The following VSIG10L2 variants were observed in gnomAD, a reference collection of about 807,000 sequenced individuals.
The protein encoded by VSIG10L2 is V-set and immunoglobulin domain containing 10 like 2.
Under a neutral mutation model 67.1 loss-of-function variants are expected in VSIG10L2, and 56 were observed. The observed-to-expected ratio is 0.83, with a 90% CI of 0.67 to 1.04. The LOEUF (loss-of-function observed/expected upper bound fraction) is 1.04, where lower values mean the gene tolerates loss of function less well. VSIG10L2 is among the 50% of genes least tolerant of loss of function. The pLI is 0.00. For missense variants in VSIG10L2, 843 were observed against 932.8 expected (o/e 0.90, Z 1.25); for synonymous variants, 360 against 396.6 (o/e 0.91, Z 1.10).
Position 125,953,687 on chromosome 11 carries a change from CTGAG to C in VSIG10L2, c.1786+6_1786+9del. On this transcript the variant is annotated splice_donor_variant and coding_sequence_variant, in exon 7 of 12. Coordinates refer to ENST00000686984, the MANE Select transcript of VSIG10L2 (RefSeq NM_001365077.2). LOFTEE classifies it high-confidence loss of function. ...CAGTCAGAGTGTGCTGCTGGAGGTC[CTGAG>C]TGAGTGAGGGGTTGAATGCGTGTGT... 2.6e-5 allele frequency: 32 copies of C among 1,232,132 alleles called. No individual in the cohort carries two copies. The Middle Eastern group carries it at 9.3e-4, about 36-fold the overall frequency. The allele number at this position is 1,232,132 out of a possible 1,614,324, so 76.3% of individuals were successfully genotyped here. A position where few individuals can be genotyped will look rare whatever the true frequency, so the allele number is the denominator to read the frequency against.
intron 6 of VSIG10L2, among the ~76,000 whole-genome samples, chr11:125,953,060 G>A (rs1013375037): frequency 2.0e-4 from 30 of 152,182 alleles, no homozygotes; most frequent in Non-Finnish European, 3.8e-4. Context: ...GGAGGTGGGG[G>A]GCCACTAGTG....
chr11:125,950,245 A>C lies in VSIG10L2; in HGVS notation c.941A>C (p.Tyr314Ser). 2 of 1,232,432 alleles carry C rather than the reference A, an allele frequency of 1.6e-6. No individual in the cohort carries two copies. The highest frequency in any genetic ancestry group is 1.0e-6 in the Non-Finnish European group (1 of 988,190). The allele number at this position is 1,232,432 out of a possible 1,614,324, so 76.3% of individuals were successfully genotyped here. ...TACACCTGCCTGGCCCGCAACAGCTACCTGGACACCCGCACCCAGACTACT... is the reference window on the plus strand; with the variant it reads ...TACACCTGCCTGGCCCGCAACAGCTCCCTGGACACCCGCACCCAGACTACT... The part of the protein sequence containing the change: ...GLYTCLARNS[Y>S]LDTRTQTTVQ... Residue 314 changes from tyrosine (Y) to serine (S), a missense_variant, in exon 4 of 12, where the codon TAC becomes TCC. By Grantham distance (144) the Tyr-to-Ser change is moderately radical (BLOSUM62 -2). This residue lies in a region of VSIG10L2 where 446 missense variants were observed against 548.4 expected (regional missense o/e 0.81). Transcript: ENST00000686984.
chr11:125,950,474 TGGGAAG>T (rs369868883), intron 4 of VSIG10L2, among the ~76,000 whole-genome samples, 185 bp downstream of exon 4: 223 of 148,550 alleles, frequency 1.5e-3, no homozygotes, highest in African/African-American at 4.3e-3. Context: ...AAGAAAACTG[TGGGAAG>T]GGGAAGGGGA....
rs188749642 is a variant in VSIG10L2 at position 125,955,653 on chromosome 11, C to T, written c.2270C>T (p.Ala757Val). 3.1e-5 allele frequency: 47 copies of T among 1,532,480 alleles called. No homozygotes were observed. In the Admixed American group the frequency reaches 8.8e-4, roughly 29 times the overall value. The allele number at this position is 1,532,480 out of a possible 1,614,324, so 94.9% of individuals were successfully genotyped here. A position where few individuals can be genotyped will look rare whatever the true frequency, so the allele number is the denominator to read the frequency against. The change falls in exon 11 of 12, where the codon GCT becomes GTT. Residue 757 changes from alanine (A) to valine (V), a missense_variant. Around this residue, in one of 2 missense-constraint regions of VSIG10L2, gnomAD observed 397 missense variants for 384.4 expected, o/e 1.03. Transcript: ENST00000686984. The part of the protein sequence containing the change: ...RHQQRGSRED[A>V]EAPAGLETPT... ...CAACAGAGGGGTTCCAGAGAAGATGCTGAGGCACCGGCAGGTAAGCACCTT... is the reference window on the plus strand; with the variant it reads ...CAACAGAGGGGTTCCAGAGAAGATGTTGAGGCACCGGCAGGTAAGCACCTT...
chr11:125,955,266 G>A (rs988052104), intron 9 of VSIG10L2, 87 bp downstream of exon 9: 48 of 1,296,286 alleles, frequency 3.7e-5, no homozygotes, highest in Non-Finnish European at 4.4e-5. Flanking sequence ...CAGCACTCCC[G>A]GGGGAGAAGA....
intron 6 of VSIG10L2, among the ~76,000 whole-genome samples, chr11:125,952,948 C>T (rs1270604649): frequency 1.3e-5 from 2 of 152,160 alleles, no homozygotes; most frequent in African/African-American, 4.8e-5. Context: ...GAAATTCCAT[C>T]GTAGGAGATT....
intron 7 of VSIG10L2, 54 bp downstream of exon 7, chr11:125,953,744 C>T: frequency 8.1e-7 from 1 of 1,227,604 alleles, no homozygotes; most frequent in Non-Finnish European, 1.0e-6. Context: ...GGGAGACCAA[C>T]AGCCACAGAG....
At position 125,947,732 on chromosome 11, in the gene VSIG10L2, T is replaced by A. The variant is rs1422825805; in HGVS notation, c.129T>A (p.Ser43=). 8.1e-7 allele frequency: 1 copy of A among 1,232,096 alleles called. No individual in the cohort carries two copies. The highest frequency in any genetic ancestry group is 1.0e-6 in the Non-Finnish European group (1 of 988,038). 76.3% of individuals were successfully genotyped at this position (1,232,096 alleles called of 1,614,324 possible). ...TPEAPVEEVV[S]VQGVRGGSVE... ...AGGCCCCTGTAGAGGAGGTGGTGTCTGTCCAGGGAGTGCGAGGTGGCTCCG... is the reference window on the plus strand; with the variant it reads ...AGGCCCCTGTAGAGGAGGTGGTGTCAGTCCAGGGAGTGCGAGGTGGCTCCG... Residue 43 remains serine (S), a synonymous_variant, in exon 2 of 12, where the codon TCT becomes TCA. Coordinates refer to ENST00000686984, the MANE Select transcript of VSIG10L2 (RefSeq NM_001365077.2).
At position 125,951,862 on chromosome 11, in the gene VSIG10L2, C is replaced by A; in HGVS notation, c.1284C>A (p.Asp428Glu). 1 of 1,530,300 alleles carries A rather than the reference C, an allele frequency of 6.5e-7. No homozygotes were observed. The highest frequency in any genetic ancestry group is 8.7e-7 in the Non-Finnish European group (1 of 1,143,144). 94.8% of individuals were successfully genotyped at this position (1,530,300 alleles called of 1,614,324 possible). A position where few individuals can be genotyped will look rare whatever the true frequency, so the allele number is the denominator to read the frequency against. ...PTCWSTATMG[D>E]QFIMLSCEWP... The stretch of plus-strand genomic sequence containing the variant: ...GCTGGAGCACAGCCACAATGGGGGA[C>A]CAGTTCATCATGCTGAGCTGCGAGT... The change falls in exon 6 of 12, where the codon GAC becomes GAA. Residue 428 changes from aspartate (D) to glutamate (E), a missense_variant. Around this residue, in one of 2 missense-constraint regions of VSIG10L2, gnomAD observed 446 missense variants for 548.4 expected, o/e 0.81. Coordinates refer to ENST00000686984, the MANE Select transcript of VSIG10L2 (RefSeq NM_001365077.2).
rs1417241688 is a variant in VSIG10L2, at chr11:125,955,107, G to C, written c.2134G>C (p.Gly712Arg). The change falls in exon 9 of 12, where the codon GGA (glycine) becomes CGA (arginine). Residue 712 changes from glycine to arginine, a missense_variant. By Grantham distance (125) the Gly-to-Arg change is moderately radical. This residue lies in a region of VSIG10L2 where 397 missense variants were observed against 384.4 expected (regional missense o/e 1.03). Coordinates refer to ENST00000686984, the MANE Select transcript of VSIG10L2 (RefSeq NM_001365077.2). ...AGCGGTGTTGGGTGCAGCAGGCACG[G>C]GAATGGTGGTAGCAACGGTGGCCTC... ...YPAVLGAAGTGMVVATVASLL... is the reference protein window; with the variant it reads ...YPAVLGAAGTRMVVATVASLL... 1 of 1,239,950 alleles carries C rather than the reference G, an allele frequency of 8.1e-7. No homozygotes were observed. The highest frequency in any genetic ancestry group is 1.0e-6 in the Non-Finnish European group (1 of 992,882). The allele number at this position is 1,239,950 out of a possible 1,614,324, so 76.8% of individuals were successfully genotyped here. A position where few individuals can be genotyped will look rare whatever the true frequency, so the allele number is the denominator to read the frequency against.
In VSIG10L2 at chr11:125,947,389, T is replaced by C. The variant is rs1262136879; in HGVS notation, c.83-297T>C. 7.1e-6 allele frequency: 7 copies of C among 984,118 alleles called. No homozygotes were observed. The Admixed American group carries it at 3.7e-4, about 52-fold the overall frequency. The allele number at this position is 984,118 out of a possible 1,614,324, so 61.0% of individuals were successfully genotyped here. ...TCTGACTTGATAGTCTGGGGTGACG[T>C]CCACGAATCTGCCTTTTGGATGGTC... is the stretch of plus-strand genomic sequence containing the variant. On this transcript the variant is annotated intron_variant, in intron 1 of 11. Coordinates refer to ENST00000686984, the MANE Select transcript of VSIG10L2 (RefSeq NM_001365077.2).
chr11:125,951,238 T>G (rs1591529973), intron 5 of VSIG10L2, 80 bp downstream of exon 5: 5 of 1,222,888 alleles, frequency 4.1e-6, no homozygotes, highest in Non-Finnish European at 5.1e-6. Flanking sequence ...GCGGGGGGCC[T>G]GGGATCTGGG....
rs750558512 is a variant in VSIG10L2 at position 125,952,020 on chromosome 11, G to A, written c.1442G>A (p.Cys481Tyr). 6.5e-7 allele frequency: 1 copy of A among 1,536,094 alleles called. No homozygotes were observed. The highest frequency in any genetic ancestry group is 1.2e-5 in the South Asian group (1 of 84,056). Residue 481 changes from cysteine to tyrosine, a missense_variant, in exon 6 of 12, where the codon TGC becomes TAC. Coordinates refer to ENST00000686984, the MANE Select transcript of VSIG10L2 (RefSeq NM_001365077.2). ...GATCTGGCTGGCAGAGAGTTCACCTGCCGGGGCACTCACCTGCTCAGGACC... is the reference window on the plus strand; with the variant it reads ...GATCTGGCTGGCAGAGAGTTCACCTACCGGGGCACTCACCTGCTCAGGACC... ...QEDLAGREFTCRGTHLLRTPD... is the reference protein window; with the variant it reads ...QEDLAGREFTYRGTHLLRTPD...
Position 125,947,863 on chromosome 11 carries a change from T to G in VSIG10L2, c.260T>G (p.Met87Arg). 8.1e-7 allele frequency: 1 copy of G among 1,232,284 alleles called. No homozygotes were observed. Among genetic ancestry groups the G allele is most frequent in the Non-Finnish European group, 1.0e-6 (1 of 988,054 alleles). 76.3% of individuals were successfully genotyped at this position (1,232,284 alleles called of 1,614,324 possible). ...CCTGTGGCCGTCACCGATGGAGCCA[T>G]GTCCAAGGTGGAGGCCATCGCCTCG... Reference protein sequence around the residue: ...PRPVAVTDGAMSKVEAIASAL... With the variant: ...PRPVAVTDGARSKVEAIASAL... Residue 87 changes from methionine (M) to arginine (R), a missense_variant, in exon 2 of 12, where the codon ATG becomes AGG. This residue lies in a region of VSIG10L2 where 446 missense variants were observed against 548.4 expected (regional missense o/e 0.81). Coordinates refer to ENST00000686984, the MANE Select transcript of VSIG10L2 (RefSeq NM_001365077.2).
rs968055941 is a variant in VSIG10L2, at chr11:125,951,068, G to A, written c.1144G>A (p.Ala382Thr). 30 of 1,232,646 alleles carry A rather than the reference G, an allele frequency of 2.4e-5. No homozygotes were observed. The highest frequency in any genetic ancestry group is 2.2e-4 in the East Asian group (7 of 31,706). The allele number at this position is 1,232,646 out of a possible 1,614,324, so 76.4% of individuals were successfully genotyped here. The stretch of plus-strand genomic sequence containing the variant: ...CCCCAGCAACGTCACCTGGAGTCAC[G>A]CAGCCGCCCAGCTCCCCAGTGGCAG... ...TAPSNVTWSH[A>T]AAQLPSGSVF... The change falls in exon 5 of 12, where the codon GCA (alanine) becomes ACA (threonine). Residue 382 changes from alanine (A) to threonine (T), a missense_variant. By Grantham distance (58) the Ala-to-Thr change is moderately conservative. This residue lies in a region of VSIG10L2 where 446 missense variants were observed against 548.4 expected (regional missense o/e 0.81). Coordinates refer to ENST00000686984, the MANE Select transcript of VSIG10L2 (RefSeq NM_001365077.2).
chr11:125,948,629 C>A lies in VSIG10L2; in HGVS notation c.709+49C>A, dbSNP rs1591528788. 5.7e-6 allele frequency: 7 copies of A among 1,230,810 alleles called. No homozygotes were observed. The East Asian group carries it at 2.2e-4, about 39-fold the overall frequency. The allele number at this position is 1,230,810 out of a possible 1,614,324, so 76.2% of individuals were successfully genotyped here. The stretch of plus-strand genomic sequence containing the variant: ...GCTGTCAGGGCTGACACCCATCTCC[C>A]CATCCACACTCAGCCTTCCACACCT... On this transcript the variant is annotated intron_variant, in intron 3 of 11. Transcript: ENST00000686984.
At chr11:125,949,103 A>G (rs1053382256) in intron 3 of VSIG10L2, among the ~76,000 whole-genome samples, 2 of 152,260 alleles carry the variant, frequency 1.3e-5, no homozygotes, top group African/African-American at 4.8e-5. Context: ...GTAGGCATGG[A>G]AGGCACACTT....
At position 125,953,541 on chromosome 11, in the gene VSIG10L2, G is replaced by C; in HGVS notation, c.1637G>C (p.Gly546Ala). The change falls in exon 7 of 12, where the codon GGC becomes GCC. Residue 546 changes from glycine (G) to alanine (A), a missense_variant. Transcript: ENST00000686984. Reference sequence around the variant, plus strand: ...CCTCAACAACAAAAAGTGGACCCCGGCACTTCAGGATTCATGCTGCACCCT... The same window carrying C: ...CCTCAACAACAAAAAGTGGACCCCGCCACTTCAGGATTCATGCTGCACCCT... ...LGPQQQKVDP[G>A]TSGFMLHPEG... The C allele has an allele frequency of 8.1e-7, 1 of 1,232,246 alleles. No homozygotes were observed. Among genetic ancestry groups the C allele is most frequent in the Non-Finnish European group, 1.0e-6 (1 of 988,050 alleles). 76.3% of individuals were successfully genotyped at this position (1,232,246 alleles called of 1,614,324 possible). A position where few individuals can be genotyped will look rare whatever the true frequency, so the allele number is the denominator to read the frequency against.
At chr11:125,951,784 G>T in intron 5 of VSIG10L2, 29 bp from the exon 6 acceptor site, 1 of 1,470,180 alleles carries the variant, frequency 6.8e-7, no homozygotes, top group East Asian at 2.5e-5. Flanking sequence ...TCCTTCCACA[G>T]GGCCATACTG....
Sources: allele counts gnomAD v4.1 joint callset (sites outside exome capture counted in the v4.1 genomes callset), GRCh38; gene constraint gnomAD v4.1.1; regional missense constraint gnomAD v4.1.1; transcripts MANE v1.5; gene names NCBI Gene and HGNC (gene_info 2026-07-23, HGNC 2026-07-21).